COX7B2: variants seen among roughly 807,000 people sequenced by gnomAD.
COX7B2 encodes cytochrome c oxidase subunit 7B2, mitochondrial.
For synonymous variants in COX7B2, 37 were observed against 32.1 expected (o/e 1.15, Z -0.51); for missense variants, 109 against 95.9 (o/e 1.14, Z -0.57).
At chr4:46,850,530 A>T (rs1215019998) in intron 1 of COX7B2, among the ~76,000 whole-genome samples, 1 of 152,152 alleles carries the variant, frequency 6.6e-6, no homozygotes, top group Non-Finnish European at 1.5e-5. Flanking sequence ...AATATACCTC[A>T]GTATTAATAT....
intron 2 of COX7B2, among the ~76,000 whole-genome samples, chr4:46,784,111 CCCAGTT>C (rs1717625061): frequency 1.3e-5 from 2 of 152,086 alleles, no homozygotes; most frequent in South Asian, 4.1e-4. Flanking sequence ...TGCTATATAA[CCCAGTT>C]CCTTTTGTGA....
chr4:46,862,104 T>C (rs1717371427), intron 1 of COX7B2, among the ~76,000 whole-genome samples: 1 of 152,208 alleles, frequency 6.6e-6, no homozygotes, highest in Non-Finnish European at 1.5e-5. Context: ...GGTTAAGTTC[T>C]CCAGCAGCTC....
intron 2 of COX7B2, among the ~76,000 whole-genome samples, chr4:46,799,626 GT>G (rs1447258740): frequency 1.3e-5 from 2 of 152,050 alleles, no homozygotes; most frequent in Non-Finnish European, 2.9e-5. Context: ...GATGGTTTTT[GT>G]TTTTAGTTCT....
rs1015818979 is a variant in COX7B2 at position 46,798,405 on chromosome 4, T to C, written c.-50+46555A>G. 2.6e-5 allele frequency among the ~76,000 whole-genome samples: 4 copies of C among 152,204 alleles called. 1 individual carries two copies. In the South Asian group the frequency reaches 8.3e-4, roughly 31 times the overall value. On this transcript the variant is annotated intron_variant, in intron 2 of 2. Coordinates refer to ENST00000355591, the MANE Select transcript of COX7B2 (RefSeq NM_130902.3). ...TTGAGTGAGGCCATCAAAGGAAGGCTCTACAACAGGTTCAGGTGGCTGTGC... is the reference window on the plus strand; with the variant it reads ...TTGAGTGAGGCCATCAAAGGAAGGCCCTACAACAGGTTCAGGTGGCTGTGC...
At chr4:46,811,444 T>C (rs982775711) in intron 2 of COX7B2, among the ~76,000 whole-genome samples, 12 of 152,248 alleles carry the variant, frequency 7.9e-5, no homozygotes, top group African/African-American at 2.9e-4. Context: ...ATATATATTT[T>C]TTTTATTTCA....
intron 2 of COX7B2, among the ~76,000 whole-genome samples, chr4:46,803,733 T>A (rs948398493): frequency 4.4e-5 from 1 of 22,970 alleles, no homozygotes; most frequent in East Asian, 2.1e-3. Flanking sequence ...GTTTACTTTC[T>A]TTTTTTTTTT....
chr4:46,819,355 C>A (rs1050530793), intron 2 of COX7B2, among the ~76,000 whole-genome samples: 4 of 152,026 alleles, frequency 2.6e-5, no homozygotes, highest in African/African-American at 9.7e-5. Context: ...AACTAACATG[C>A]CACTCTTAGG....
At chr4:46,819,112 G>A (rs1367054339) in intron 2 of COX7B2, among the ~76,000 whole-genome samples, 1 of 152,134 alleles carries the variant, frequency 6.6e-6, no homozygotes, top group African/African-American at 2.4e-5. Context: ...AAACCATGTA[G>A]CCTTCTCTTG....
chr4:46,849,320 T>A (rs145119709), intron 1 of COX7B2, among the ~76,000 whole-genome samples: 15 of 152,246 alleles, frequency 9.9e-5, no homozygotes, highest in African/African-American at 3.1e-4. Context: ...CTCAGTAATA[T>A]CTCTGACATT....
At chr4:46,855,307 ATAT>A (rs1716943329) in intron 1 of COX7B2, among the ~76,000 whole-genome samples, 1 of 152,136 alleles carries the variant, frequency 6.6e-6, no homozygotes, top group South Asian at 2.1e-4. Flanking sequence ...AATTAACAAA[ATAT>A]TATTAGCAAA....
At chr4:46,758,474 A>C (rs1715934347) in intron 2 of COX7B2, among the ~76,000 whole-genome samples, 1 of 152,134 alleles carries the variant, frequency 6.6e-6, no homozygotes, top group South Asian at 2.1e-4. Flanking sequence ...TTATTGATGA[A>C]AATTTCATAT....
intron 2 of COX7B2, among the ~76,000 whole-genome samples, chr4:46,813,503 G>A (rs903303732): frequency 2.6e-5 from 4 of 152,122 alleles, no homozygotes; most frequent in Admixed American, 1.3e-4. Flanking sequence ...GGAGCTGAAC[G>A]ATGAAAACAC....
chr4:46,824,914 CA>C (rs1184707811), intron 2 of COX7B2, among the ~76,000 whole-genome samples: 1 of 152,096 alleles, frequency 6.6e-6, no homozygotes, highest in Admixed American at 6.6e-5. Flanking sequence ...GACAAACCCA[CA>C]ACCAACGTTA....
chr4:46,817,532 C>T (rs996136661), intron 2 of COX7B2, among the ~76,000 whole-genome samples: 13 of 152,150 alleles, frequency 8.5e-5, no homozygotes, highest in African/African-American at 2.9e-4. Context: ...TTCTGACACC[C>T]TTTAATTGGG....
chr4:46,788,930 C>A (rs1227453198), intron 2 of COX7B2, among the ~76,000 whole-genome samples: 1 of 152,100 alleles, frequency 6.6e-6, no homozygotes. Flanking sequence ...TGCGGATAAC[C>A]AGTTCTAATA....
intron 2 of COX7B2, among the ~76,000 whole-genome samples, chr4:46,802,642 AGTTTG>A (rs1718719009): frequency 6.6e-6 from 1 of 152,176 alleles, no homozygotes. Flanking sequence ...AGGGGTACCT[AGTTTG>A]AATCAGCTCT....
At chr4:46,798,467 A>G (rs62305178) in intron 2 of COX7B2, among the ~76,000 whole-genome samples, 20,884 of 152,140 alleles carry the variant, frequency 0.14, 2,116 homozygotes, top group Admixed American at 0.3. Context: ...AACCCAGCAT[A>G]CCCTGTGGTA....
intron 1 of COX7B2, among the ~76,000 whole-genome samples, chr4:46,858,310 G>T (rs1349517033): frequency 1.3e-5 from 2 of 152,016 alleles, no homozygotes; most frequent in Admixed American, 6.6e-5. Context: ...TGGCCATGCT[G>T]GTCTCAAACT....
rs150275416 is a variant in COX7B2, at chr4:46,807,413, C to T, written c.-50+37547G>A. On this transcript the variant is annotated intron_variant, in intron 2 of 2. Transcript: ENST00000355591. ...TTTTATCTAAATTTTAAACATTAAA[C>T]GCTTATCAGATATATAGTTTGCAAG... Among the ~76,000 whole-genome samples the T allele has an allele frequency of 5.7e-3, 869 of 152,014 alleles. 9 individuals are homozygous for T. The highest frequency in any genetic ancestry group is 0.019 in the African/African-American group (807 of 41,536).
Sources: gnomAD v4.1 joint callset for allele counts (sites outside exome capture counted in the v4.1 genomes callset) on GRCh38, gnomAD v4.1.1 for gene constraint, MANE v1.5 for transcripts, NCBI Gene and HGNC (gene_info 2026-07-23, HGNC 2026-07-21) for gene names.